The following LRMDA variants were observed in gnomAD, a reference collection of about 807,000 sequenced individuals.
The protein encoded by LRMDA is leucine rich melanocyte differentiation associated.
In LRMDA, 18 loss-of-function variants were observed where a neutral mutation model predicts 29.8. The ratio of observed to expected loss-of-function variants is 0.60; its 90% confidence interval spans 0.42 to 0.90. The LOEUF is 0.90. LRMDA is among the 40% of genes least tolerant of loss of function. LRMDA has a pLI of 0.00. For synonymous variants in LRMDA, 125 were observed against 109.4 expected, an observed-to-expected ratio of 1.14 and a Z score of -0.89; for missense variants, 273 against 273.9, an observed-to-expected ratio of 1.00 and a Z score of 0.02.
chr10:75,618,941 C>G (rs1841145925), intron 2 of LRMDA, among the ~76,000 whole-genome samples: 1 of 151,924 alleles, frequency 6.6e-6, no homozygotes, highest in South Asian at 2.1e-4. Context: ...TGCCACCACT[C>G]CTGGCTAATT....
At chr10:75,740,755 C>T (rs908077326) in intron 2 of LRMDA, among the ~76,000 whole-genome samples, 1 of 151,996 alleles carries the variant, frequency 6.6e-6, no homozygotes, top group Non-Finnish European at 1.5e-5. Flanking sequence ...AGTAAGTAGC[C>T]CTTGAGACAG....
intron 2 of LRMDA, among the ~76,000 whole-genome samples, chr10:76,018,540 A>T (rs1214925018): frequency 6.6e-6 from 1 of 151,668 alleles, no homozygotes; most frequent in Non-Finnish European, 1.5e-5. Context: ...GGAATTGTAC[A>T]AGGCATAAAG....
intron 2 of LRMDA, among the ~76,000 whole-genome samples, chr10:75,882,099 T>C (rs1845304171): frequency 6.6e-6 from 1 of 152,082 alleles, no homozygotes; most frequent in Non-Finnish European, 1.5e-5. Context: ...GTGCAAAGCC[T>C]CTTGACTGGA....
intron 2 of LRMDA, among the ~76,000 whole-genome samples, chr10:75,595,851 T>G (rs997970052): frequency 1.6e-5 from 2 of 126,798 alleles, no homozygotes; most frequent in East Asian, 5.5e-4. Context: ...TCTGTATGTC[T>G]TAACCAAGTA....
rs541775549 is a variant in LRMDA at position 76,061,205 on chromosome 10, G to T, written c.516+2422G>T. Among the ~76,000 whole-genome samples the T allele has an allele frequency of 7.6e-4, 116 of 152,294 alleles. 2 individuals carry two copies. Among genetic ancestry groups the T allele is most frequent in the Non-Finnish European group, 6.5e-4 (44 of 68,032 alleles). The stretch of plus-strand genomic sequence containing the variant: ...ACTATGCAGCCATACAAAAGAACGA[G>T]ATCATATCTTTTGTGGGAACATGGA... On this transcript the variant is annotated intron_variant, in intron 5 of 6. Coordinates refer to ENST00000611255, the MANE Select transcript of LRMDA (RefSeq NM_001305581.2).
intron 1 of LRMDA, among the ~76,000 whole-genome samples, chr10:75,435,381 T>C (rs1844252913): frequency 6.6e-6 from 1 of 152,252 alleles, no homozygotes; most frequent in Non-Finnish European, 1.5e-5. Context: ...ACTTCTTAAG[T>C]CTTTTTTCTA....
intron 2 of LRMDA, among the ~76,000 whole-genome samples, chr10:76,007,033 CGCGT>C (rs1847683010): frequency 1.9e-4 from 6 of 31,730 alleles, no homozygotes; most frequent in South Asian, 2.1e-3. Flanking sequence ...TGTGTGTGTG[CGCGT>C]GTGTGTTTAT....
chr10:76,345,851 C>T (rs1431779798), intron 6 of LRMDA, among the ~76,000 whole-genome samples: 4 of 151,976 alleles, frequency 2.6e-5, no homozygotes, highest in Non-Finnish European at 4.4e-5. Context: ...TAGTAAAATA[C>T]ATACAAAAAT....
At chr10:75,928,410 AAAT>A (rs1270932920) in intron 2 of LRMDA, among the ~76,000 whole-genome samples, 2 of 152,172 alleles carry the variant, frequency 1.3e-5, no homozygotes, top group Non-Finnish European at 2.9e-5. Context: ...TTTCACAAGA[AAAT>A]AACCCCTTAC....
intron 2 of LRMDA, among the ~76,000 whole-genome samples, chr10:75,506,970 T>C (rs1234532866): frequency 1.3e-5 from 2 of 152,054 alleles, no homozygotes; most frequent in Non-Finnish European, 2.9e-5. Context: ...TTGGGGCCCT[T>C]GGGGAGAGTT....
intron 2 of LRMDA, among the ~76,000 whole-genome samples, chr10:75,912,129 AG>A (rs1345501901): frequency 5.3e-5 from 8 of 152,248 alleles, no homozygotes; most frequent in African/African-American, 1.9e-4. Context: ...AGCTGGACAC[AG>A]TGGGAACTTG....
chr10:75,847,734 T>C (rs974207706), intron 2 of LRMDA, among the ~76,000 whole-genome samples: 3 of 152,036 alleles, frequency 2.0e-5, no homozygotes, highest in African/African-American at 7.2e-5. Flanking sequence ...AACAAGCACA[T>C]GAAAATATCA....
intron 5 of LRMDA, among the ~76,000 whole-genome samples, chr10:76,094,466 G>C (rs75993078): frequency 6.6e-6 from 1 of 151,852 alleles, no homozygotes; most frequent in Non-Finnish European, 1.5e-5. Flanking sequence ...CACTACATAT[G>C]GTGAAATAGA....
intron 2 of LRMDA, among the ~76,000 whole-genome samples, chr10:75,858,850 C>A (rs1385224872): frequency 6.6e-6 from 1 of 152,244 alleles, no homozygotes; most frequent in Non-Finnish European, 1.5e-5. Context: ...CCCCTAATCT[C>A]TTCCCCAGAA....
At chr10:76,503,875 G>T (rs1407653900) in intron 6 of LRMDA, among the ~76,000 whole-genome samples, 4 of 148,618 alleles carry the variant, frequency 2.7e-5, no homozygotes, top group Non-Finnish European at 6.0e-5. Context: ...TATCTTTGGG[G>T]TTGGTTCTTT....
At chr10:76,060,071 C>T (rs186615597) in intron 5 of LRMDA, among the ~76,000 whole-genome samples, 4 of 152,254 alleles carry the variant, frequency 2.6e-5, no homozygotes, top group Non-Finnish European at 4.4e-5. Context: ...TAATTTATTT[C>T]TTGGCCTTCT....
intron 6 of LRMDA, among the ~76,000 whole-genome samples, chr10:76,519,255 T>A (rs2132359422): frequency 6.6e-6 from 1 of 152,140 alleles, no homozygotes; most frequent in East Asian, 1.9e-4. Context: ...ATCCCTAGAG[T>A]TGAACATTTA....
intron 2 of LRMDA, among the ~76,000 whole-genome samples, chr10:75,948,167 G>A (rs1311514902): frequency 6.6e-6 from 1 of 152,274 alleles, no homozygotes. Flanking sequence ...GAGGGTTAAA[G>A]GTGGCTTTTC....
At chr10:75,821,031 A>G (rs1487340615) in intron 2 of LRMDA, among the ~76,000 whole-genome samples, 1 of 152,208 alleles carries the variant, frequency 6.6e-6, no homozygotes, top group Non-Finnish European at 1.5e-5. Flanking sequence ...CCCTCTAACA[A>G]CATCAAAAAA....
Sources: gnomAD v4.1 joint callset for allele counts (sites outside exome capture counted in the v4.1 genomes callset) on GRCh38, gnomAD v4.1.1 for gene constraint, MANE v1.5 for transcripts, NCBI Gene and HGNC (gene_info 2026-07-23, HGNC 2026-07-21) for gene names.